TAFA1: variants seen among roughly 807,000 people sequenced by gnomAD.
TAFA1 encodes the protein TAFA chemokine like family member 1.
Under a neutral mutation model 18.5 loss-of-function variants are expected in TAFA1, and 4 were observed. That is an observed-to-expected ratio of 0.22 (90% confidence interval 0.11 to 0.49). TAFA1 has a LOEUF of 0.49. TAFA1 is among the 20% of genes least tolerant of loss of function. TAFA1 has a pLI of 0.98. For synonymous variants in TAFA1, 56 were observed against 55.2 expected, an observed-to-expected ratio of 1.01 and a Z score of -0.06; for missense variants, 147 against 169.0, an observed-to-expected ratio of 0.87 and a Z score of 0.72.
chr3:68,510,258 A>G (rs2072825523), intron 3 of TAFA1, among the ~76,000 whole-genome samples: 1 of 152,106 alleles, frequency 6.6e-6, no homozygotes, highest in Non-Finnish European at 1.5e-5. Flanking sequence ...AATAGGACAT[A>G]TTATACTCAA....
At chr3:68,099,483 T>C (rs1397352680) in intron 2 of TAFA1, among the ~76,000 whole-genome samples, 1 of 152,086 alleles carries the variant, frequency 6.6e-6, no homozygotes, top group Non-Finnish European at 1.5e-5. Flanking sequence ...AGAATGGCTA[T>C]TATTAAAAAG....
In TAFA1 at chr3:68,519,009, A is replaced by C. The variant is rs544027902; in HGVS notation, c.260-19747A>C. 3.3e-5 allele frequency among the ~76,000 whole-genome samples: 5 copies of C among 152,318 alleles called. No individual in the cohort carries two copies. The South Asian group carries it at 1.0e-3, about 32-fold the overall frequency. On this transcript the variant is annotated intron_variant, in intron 3 of 4. Coordinates refer to ENST00000478136, the MANE Select transcript of TAFA1 (RefSeq NM_213609.4). ...GATCTTTCCTCCATTCCCAAACAGAATGAGTTGATACATTCGTTTATATAT... is the reference window on the plus strand; with the variant it reads ...GATCTTTCCTCCATTCCCAAACAGACTGAGTTGATACATTCGTTTATATAT...
chr3:68,349,861 T>C (rs912673269), intron 2 of TAFA1, among the ~76,000 whole-genome samples: 1 of 152,080 alleles, frequency 6.6e-6, no homozygotes, highest in South Asian at 2.1e-4. Context: ...AAGATCAGCA[T>C]CTCTGGGTCC....
intron 2 of TAFA1, among the ~76,000 whole-genome samples, chr3:68,084,453 G>A (rs538593937): frequency 6.6e-6 from 1 of 152,232 alleles, no homozygotes; most frequent in East Asian, 1.9e-4. Context: ...CTGCCAGGAT[G>A]CTTCCAAAAT....
At chr3:68,073,929 G>A (rs1400479811) in intron 2 of TAFA1, among the ~76,000 whole-genome samples, 4 of 152,086 alleles carry the variant, frequency 2.6e-5, no homozygotes, top group Admixed American at 2.6e-4. Flanking sequence ...ATGGTTTTGG[G>A]ATGATTCAAG....
chr3:68,117,317 G>A (rs1367136515), intron 2 of TAFA1, among the ~76,000 whole-genome samples: 1 of 152,160 alleles, frequency 6.6e-6, no homozygotes, highest in Admixed American at 6.5e-5. Flanking sequence ...TACATACTAT[G>A]AGATTTTTTC....
intron 2 of TAFA1, among the ~76,000 whole-genome samples, chr3:68,278,577 A>C (rs775121033): frequency 6.6e-6 from 1 of 152,120 alleles, no homozygotes; most frequent in South Asian, 2.1e-4. Flanking sequence ...TTTTCTGTCT[A>C]GTGCAGAGAT....
At chr3:68,282,910 G>A (rs937796662) in intron 2 of TAFA1, among the ~76,000 whole-genome samples, 2 of 152,140 alleles carry the variant, frequency 1.3e-5, no homozygotes, top group African/African-American at 2.4e-5. Context: ...TATCAGATGA[G>A]CTGAGATTAC....
At chr3:68,080,761 C>G (rs1409129212) in intron 2 of TAFA1, among the ~76,000 whole-genome samples, 3 of 152,106 alleles carry the variant, frequency 2.0e-5, no homozygotes, top group South Asian at 2.1e-4. Flanking sequence ...TCCTTCATTT[C>G]AACTTTGGTG....
intron 2 of TAFA1, among the ~76,000 whole-genome samples, chr3:68,123,308 C>A (rs1206284357): frequency 6.6e-6 from 1 of 152,054 alleles, no homozygotes; most frequent in East Asian, 1.9e-4. Flanking sequence ...GGCAAAGGGT[C>A]CACTTGGTTT....
chr3:68,220,481 A>G (rs916325017), intron 2 of TAFA1, among the ~76,000 whole-genome samples: 1 of 152,070 alleles, frequency 6.6e-6, no homozygotes, highest in African/African-American at 2.4e-5. Flanking sequence ...ATTTCTCCCT[A>G]AGTTCTTTAG....
intron 1 of TAFA1, among the ~76,000 whole-genome samples, chr3:68,005,372 T>C (rs1704339302): frequency 6.6e-6 from 1 of 152,234 alleles, no homozygotes; most frequent in South Asian, 2.1e-4. Flanking sequence ...AATAATGTTT[T>C]CCTGCTTTGC....
At chr3:68,055,090 G>T (rs1292807301) in intron 2 of TAFA1, among the ~76,000 whole-genome samples, 1 of 151,970 alleles carries the variant, frequency 6.6e-6, no homozygotes, top group African/African-American at 2.4e-5. Context: ...AACAGGAGTG[G>T]GGAAGTATGA....
chr3:68,307,338 G>C (rs376239486), intron 2 of TAFA1, among the ~76,000 whole-genome samples: 9 of 152,146 alleles, frequency 5.9e-5, no homozygotes, highest in African/African-American at 2.2e-4. Flanking sequence ...AAATGAGAAA[G>C]AGATAGTTCA....
rs143691101 is a variant in TAFA1, at chr3:68,512,351, T to C, written c.260-26405T>C. Among the ~76,000 whole-genome samples the C allele has an allele frequency of 1.2e-4, 18 of 152,240 alleles. No homozygotes were observed. The East Asian group carries it at 3.5e-3, about 29-fold the overall frequency. On this transcript the variant is annotated intron_variant, in intron 3 of 4. Transcript: ENST00000478136. ...GAAACTATTTTTTCAACACAAAGAA[T>C]AATGAGCCTTTTAAAGTAATGTACT...
intron 3 of TAFA1, among the ~76,000 whole-genome samples, chr3:68,463,106 A>C (rs2071816753): frequency 6.6e-6 from 1 of 152,154 alleles, no homozygotes; most frequent in Non-Finnish European, 1.5e-5. Flanking sequence ...TGATTATTAT[A>C]ATTTTAGCTG....
chr3:68,439,798 C>G (rs957542044), intron 3 of TAFA1, among the ~76,000 whole-genome samples: 5 of 151,976 alleles, frequency 3.3e-5, no homozygotes, highest in Admixed American at 6.6e-5. Context: ...ATCCTTCAAT[C>G]CAATCAAGAT....
chr3:68,221,070 G>A (rs906410936), intron 2 of TAFA1, among the ~76,000 whole-genome samples: 2 of 152,152 alleles, frequency 1.3e-5, no homozygotes, highest in Admixed American at 1.3e-4. Flanking sequence ...TCACACAAGT[G>A]TAGCTCAGGG....
In TAFA1 at chr3:68,166,241, G is replaced by C. The variant is rs115689516; in HGVS notation, c.118+159497G>C. Among the ~76,000 whole-genome samples the C allele has an allele frequency of 3.8e-3, 573 of 152,282 alleles. 3 individuals carry two copies. Among genetic ancestry groups the C allele is most frequent in the African/African-American group, 0.013 (534 of 41,564 alleles). Reference sequence around the variant, plus strand: ...CTATGGACAATGGGGATACCTAAAAGTTTTAATCGTAGTGGGCCTTAAACC... The same window carrying C: ...CTATGGACAATGGGGATACCTAAAACTTTTAATCGTAGTGGGCCTTAAACC... On this transcript the variant is annotated intron_variant, in intron 2 of 4. Transcript: ENST00000478136.
Sources: allele counts gnomAD v4.1 joint callset (sites outside exome capture counted in the v4.1 genomes callset), GRCh38; gene constraint gnomAD v4.1.1; transcripts MANE v1.5; gene names NCBI Gene and HGNC (gene_info 2026-07-23, HGNC 2026-07-21).